Variants in CNFN observed in about 807,000 individuals in gnomAD.
The protein encoded by CNFN is cornefied envelope protein cornefilin.
CNFN carries 10 observed loss-of-function variants against 14.9 expected under a neutral mutation model. The ratio of observed to expected loss-of-function variants is 0.67; its 90% CI spans 0.41 to 1.14. The LOEUF is 1.14. Ranked by LOEUF, CNFN falls within the 50% of genes most tolerant of loss-of-function variation. The pLI, the probability that CNFN is intolerant of heterozygous loss-of-function variation, is 0.00. For synonymous variants in CNFN, 66 were observed against 60.0 expected, an observed-to-expected ratio of 1.10 and a Z score of -0.46; for missense variants, 165 against 152.8, an observed-to-expected ratio of 1.08 and a Z score of -0.42.
chr19:42,387,029 G>T lies in CNFN; in HGVS notation c.*124C>A. 1.0e-6 allele frequency: 1 copy of T among 965,276 alleles called. No individual in the cohort carries two copies. The highest frequency in any genetic ancestry group is 1.6e-6 in the Non-Finnish European group (1 of 620,998). The allele number at this position is 965,276 out of a possible 1,614,324, so 59.8% of individuals were successfully genotyped here. ...TGGATGTAGGCGGAGTTGGTTTTCA[G>T]GTTTTTATTGTGGGTGTATTTCTGG... On this transcript the variant is annotated 3_prime_UTR_variant, in exon 4 of 4. Coordinates refer to ENST00000222032, the MANE Select transcript of CNFN (RefSeq NM_032488.4).
At chr19:42,389,648 C>A in intron 1 of CNFN, 1 of 153,338 alleles carries the variant, frequency 6.5e-6, no homozygotes, top group Non-Finnish European at 1.2e-5. Flanking sequence ...GCACTGGGGG[C>A]TGGGCTCTCA....
Position 42,387,211 on chromosome 19 carries a change from G to A in CNFN, c.281C>T (p.Thr94Ile), listed in dbSNP as rs199642988. ...GSVGHDWAAL[T>I]FCLPCALCQM... The stretch of plus-strand genomic sequence containing the variant: ...GCAGAGGGCGCAGGGCAGACAAAAG[G>A]TGAGGGCCGCCCAGTCGTGCCCGAC... The change falls in exon 4 of 4, where the codon ACC (threonine) becomes ATC (isoleucine). Residue 94 changes from threonine (T) to isoleucine (I), a missense_variant. Physicochemically the swap from Thr to Ile is moderately conservative, Grantham distance 89. Coordinates refer to ENST00000222032, the MANE Select transcript of CNFN (RefSeq NM_032488.4). 3.1e-5 allele frequency: 50 copies of A among 1,614,076 alleles called. No homozygotes were observed. The Admixed American group carries it at 7.8e-4, about 25-fold the overall frequency.
At position 42,387,524 on chromosome 19, in the gene CNFN, G is replaced by T. The variant is rs771397006; in HGVS notation, c.113-48C>A. The T allele has an allele frequency of 2.1e-6, 3 of 1,462,614 alleles. No homozygotes were observed. In the East Asian group the frequency reaches 7.6e-5, roughly 37 times the overall value. 90.6% of individuals were successfully genotyped at this position (1,462,614 alleles called of 1,614,324 possible). A position where few individuals can be genotyped will look rare whatever the true frequency, so the allele number is the denominator to read the frequency against. Reference sequence around the variant, plus strand: ...GGGGCGGGGCCAGCCGGGGCCTCCCGACGGCTCCGCCCCGGGGGGGGCGCG... The same window carrying T: ...GGGGCGGGGCCAGCCGGGGCCTCCCTACGGCTCCGCCCCGGGGGGGGCGCG... On this transcript the variant is annotated intron_variant, in intron 2 of 3. Coordinates refer to ENST00000222032, the MANE Select transcript of CNFN (RefSeq NM_032488.4).
In CNFN at chr19:42,387,125, A is replaced by G. The variant is rs1164815701; in HGVS notation, c.*28T>C. On this transcript the variant is annotated 3_prime_UTR_variant, in exon 4 of 4. Transcript: ENST00000222032. ...AGAAGGCCAGAGGCGAGACTGGTGG[A>G]AAAGGACGGGGAAGACAGGGAACTT... The G allele has an allele frequency of 6.2e-7, 1 of 1,611,286 alleles. No homozygotes were observed. Among genetic ancestry groups the G allele is most frequent in the East Asian group, 2.2e-5 (1 of 44,870 alleles).
Position 42,389,024 on chromosome 19 carries a change from A to G in CNFN, c.14T>C (p.Val5Ala), listed in dbSNP as rs772574766. 3 of 1,613,344 alleles carry G rather than the reference A, an allele frequency of 1.9e-6. No individual in the cohort carries two copies. Among genetic ancestry groups the G allele is most frequent in the Non-Finnish European group, 2.5e-6 (3 of 1,179,640 alleles). Reference protein sequence around the residue: MSYPVTSQPQCATTS... With the variant: MSYPATSQPQCATTS... ...GGTGGCGCACTGGGGCTGACTGGTC[A>G]CAGGGTAGGACATAGCTGCAGAGGT... The change falls in exon 2 of 4, where the codon GTG (valine) becomes GCG (alanine). Residue 5 changes from valine to alanine, a missense_variant. Transcript: ENST00000222032.
intron 2 of CNFN, 127 bp from the exon 3 acceptor site, chr19:42,387,603 G>A (rs1020558096): frequency 1.8e-5 from 11 of 602,060 alleles, no homozygotes; most frequent in African/African-American, 3.9e-5. Context: ...AGGTCCCAGA[G>A]GGAATTAGAG....
chr19:42,389,002 G>A lies in CNFN; in HGVS notation c.36C>T (p.Ala12=). ...SYPVTSQPQC[A]TTSCYQTQLS... ...GCTGGGTCTGGTAGCAGCTGGTGGT[G>A]GCGCACTGGGGCTGACTGGTCACAG... is the stretch of plus-strand genomic sequence containing the variant. Residue 12 remains alanine, a synonymous_variant, in exon 2 of 4, where the codon GCC becomes GCT. Coordinates refer to ENST00000222032, the MANE Select transcript of CNFN (RefSeq NM_032488.4). 1 of 1,613,928 alleles carries A rather than the reference G, an allele frequency of 6.2e-7. No homozygotes were observed. Among genetic ancestry groups the A allele is most frequent in the Non-Finnish European group, 8.5e-7 (1 of 1,179,994 alleles).
Position 42,387,368 on chromosome 19 carries a change from G to A in CNFN, c.221C>T (p.Thr74Ile), listed in dbSNP as rs2039859028. The change falls in exon 3 of 4, where the codon ACC becomes ATC. Residue 74 changes from threonine (T) to isoleucine (I), a missense_variant. By Grantham distance (89) the Thr-to-Ile change is moderately conservative. Transcript: ENST00000222032. ...GATGTGGTAGCGCTCCCGCATGCCG[G>A]TGCGGATGGAGTGCAGGCCTCCGGG... Reference protein sequence around the residue: ...YLPGGLHSIRTGMRERYHIQG... With the variant: ...YLPGGLHSIRIGMRERYHIQG... The A allele has an allele frequency of 2.5e-6, 4 of 1,599,004 alleles. No individual in the cohort carries two copies. Among genetic ancestry groups the A allele is most frequent in the Non-Finnish European group, 3.4e-6 (4 of 1,174,126 alleles).
chr19:42,387,668 T>C (rs113227521), intron 2 of CNFN, among the ~76,000 whole-genome samples, 192 bp from the exon 3 acceptor site: 18,910 of 149,902 alleles, frequency 0.13, 1,744 homozygotes, highest in African/African-American at 0.26. Context: ...TTTTTTTTTT[T>C]TTCTTCTTTT....
chr19:42,389,441 GC>G (rs2147533453), intron 1 of CNFN: 2 of 1,286,938 alleles, frequency 1.6e-6, no homozygotes, highest in Non-Finnish European at 2.0e-6. Flanking sequence ...GAGGGAGGCG[GC>G]CAGGTTCCAG....
intron 1 of CNFN, chr19:42,389,453 T>C (rs1054377460): frequency 7.7e-7 from 1 of 1,291,776 alleles, no homozygotes; most frequent in African/African-American, 1.5e-5. Flanking sequence ...CAGGTTCCAG[T>C]ACTGAGAGGG....
chr19:42,388,889 T>C (rs202146750), intron 2 of CNFN, 37 bp downstream of exon 2: 1 of 1,507,052 alleles, frequency 6.6e-7, no homozygotes, highest in East Asian at 2.3e-5. Context: ...AAACCCATCT[T>C]CCACCAGGCC....
At chr19:42,389,641 C>A in intron 1 of CNFN, 1 of 125,916 alleles carries the variant, frequency 7.9e-6, no homozygotes. Context: ...GACTGGGGCA[C>A]TGGGGGCTGG....
In CNFN at chr19:42,387,341, T is replaced by C. The variant is rs1196838698; in HGVS notation, c.248A>G (p.Gln83Arg). 4.4e-6 allele frequency: 7 copies of C among 1,596,986 alleles called. No homozygotes were observed. The highest frequency in any genetic ancestry group is 5.1e-6 in the Non-Finnish European group (6 of 1,172,734). Residue 83 changes from glutamine (Q) to arginine (R), a missense_variant and splice_region_variant, in exon 3 of 4, where the codon CAG (glutamine) becomes CGG (arginine). By Grantham distance (43) the Gln-to-Arg change is conservative (BLOSUM62 1). Coordinates refer to ENST00000222032, the MANE Select transcript of CNFN (RefSeq NM_032488.4). Reference protein sequence around the residue: ...RTGMRERYHIQGSVGHDWAAL... With the variant: ...RTGMRERYHIRGSVGHDWAAL... ...GCGGGTCCCCAGCCCGGCGCGCACC[T>C]GGATGTGGTAGCGCTCCCGCATGCC...
At chr19:42,389,559 G>A (rs1600090756) in intron 1 of CNFN, 1 of 1,289,250 alleles carries the variant, frequency 7.8e-7, no homozygotes, top group Non-Finnish European at 1.0e-6. Context: ...GTTGGGGACG[G>A]CAGAAGTGGC....
chr19:42,389,567 G>A (rs1189210599), intron 1 of CNFN: 1 of 1,288,148 alleles, frequency 7.8e-7, no homozygotes, highest in East Asian at 5.6e-5. Context: ...CGGCAGAAGT[G>A]GCTGTGGCAA....
chr19:42,388,966 C>T lies in CNFN; in HGVS notation c.72G>A (p.Trp24Ter), dbSNP rs1338081396. The change falls in exon 2 of 4, where the codon TGG becomes TGA. Residue 24 changes from tryptophan to a stop codon, truncating the protein, a stop_gained. Coordinates refer to ENST00000222032, the MANE Select transcript of CNFN (RefSeq NM_032488.4). LOFTEE classifies it high-confidence loss of function. ...TGCAGCAGTCCGTGAGACCTGTGTGCCAGTCACTGAGCTGGGTCTGGTAGC... is the reference window on the plus strand; with the variant it reads ...TGCAGCAGTCCGTGAGACCTGTGTGTCAGTCACTGAGCTGGGTCTGGTAGC... ...TSCYQTQLSD[W>*]HTGLTDCCND... 6.2e-7 allele frequency: 1 copy of T among 1,613,800 alleles called. No individual in the cohort carries two copies.
intron 2 of CNFN, among the ~76,000 whole-genome samples, 193 bp from the exon 3 acceptor site, chr19:42,387,669 TTC>T (rs1484534272): frequency 6.7e-6 from 1 of 149,980 alleles, no homozygotes; most frequent in Non-Finnish European, 1.5e-5. Flanking sequence ...TTTTTTTTTT[TTC>T]TTCTTTTTTT....
chr19:42,387,193 G>C lies in CNFN; in HGVS notation c.299C>G (p.Ala100Gly). ...WAALTFCLPC[A>G]LCQMARELKI... ...CAGTTCCCGCGCCATCTGGCAGAGG[G>C]CGCAGGGCAGACAAAAGGTGAGGGC... The change falls in exon 4 of 4, where the codon GCC becomes GGC. Residue 100 changes from alanine (A) to glycine (G), a missense_variant. Ala to Gly is a moderately conservative substitution (Grantham distance 60). Coordinates refer to ENST00000222032, the MANE Select transcript of CNFN (RefSeq NM_032488.4). 3 of 1,614,234 alleles carry C rather than the reference G, an allele frequency of 1.9e-6. No homozygotes were observed. Among genetic ancestry groups the C allele is most frequent in the Non-Finnish European group, 2.5e-6 (3 of 1,180,036 alleles).
Sources: allele counts gnomAD v4.1 joint callset (sites outside exome capture counted in the v4.1 genomes callset), GRCh38; gene constraint gnomAD v4.1.1; transcripts MANE v1.5; gene names NCBI Gene and HGNC (gene_info 2026-07-23, HGNC 2026-07-21).